TSPAN16: variants seen among roughly 807,000 people sequenced by gnomAD.
TSPAN16 encodes the protein tetraspanin 16, also known as tetraspanin-16.
Under a neutral mutation model 25.2 loss-of-function variants are expected in TSPAN16, and 23 were observed. The ratio of observed to expected loss-of-function variants is 0.91; its 90% CI spans 0.66 to 1.29. The LOEUF (loss-of-function observed/expected upper bound fraction) is 1.29, where lower values mean the gene tolerates loss of function less well. TSPAN16 is among the 50% of genes most tolerant of loss of function. TSPAN16 has a pLI of 0.00. For missense variants in TSPAN16, 272 were observed against 299.9 expected, an observed-to-expected ratio of 0.91 and a Z score of 0.69; for synonymous variants, 123 against 124.4, an observed-to-expected ratio of 0.99 and a Z score of 0.08.
At chr19:11,308,246 A>T (rs2080650566) in intron 5 of TSPAN16, among the ~76,000 whole-genome samples, 1 of 152,182 alleles carries the variant, frequency 6.6e-6, no homozygotes, top group Non-Finnish European at 1.5e-5. Flanking sequence ...TCTCTGAGGG[A>T]AGAAATAGAA....
chr19:11,326,353 C>G (rs1302437120), intron 6 of TSPAN16, among the ~76,000 whole-genome samples: 1 of 152,146 alleles, frequency 6.6e-6, no homozygotes, highest in African/African-American at 2.4e-5. Flanking sequence ...TGCACACCAG[C>G]CTGGGTGATG....
At chr19:11,301,469 G>A (rs418547) in intron 4 of TSPAN16, among the ~76,000 whole-genome samples, 161 bp downstream of exon 4, 62,416 of 151,460 alleles carry the variant, frequency 0.41, 14,727 homozygotes, top group African/African-American at 0.66. Context: ...GTGAAACCCC[G>A]TCTCTACTAA....
At chr19:11,299,773 G>A (rs1006204981) in intron 3 of TSPAN16, among the ~76,000 whole-genome samples, 1 of 151,918 alleles carries the variant, frequency 6.6e-6, no homozygotes, top group Non-Finnish European at 1.5e-5. Flanking sequence ...TCAGGAGTTC[G>A]AGACCAGCCT....
chr19:11,298,111 CT>C, intron 1 of TSPAN16, 30 bp from the exon 2 acceptor site: 1 of 1,611,062 alleles, frequency 6.2e-7, no homozygotes, highest in Non-Finnish European at 8.5e-7. Context: ...TAACAGATTA[CT>C]TTTCTTCCTT....
intron 3 of TSPAN16, 171 bp from the exon 4 acceptor site, chr19:11,301,030 C>G: frequency 1.7e-6 from 1 of 584,028 alleles, no homozygotes; most frequent in Non-Finnish European, 3.1e-6. Flanking sequence ...GGTGGGGGCA[C>G]AGTAGCCTTC....
chr19:11,326,270 ACTCG>A (rs2080812402), intron 6 of TSPAN16, among the ~76,000 whole-genome samples: 2 of 151,650 alleles, frequency 1.3e-5, no homozygotes, highest in African/African-American at 4.8e-5. Flanking sequence ...AGTCTCAGCT[ACTCG>A]GAAGGTTAAG....
intron 5 of TSPAN16, among the ~76,000 whole-genome samples, chr19:11,308,939 G>A (rs373403573): frequency 2.1e-4 from 32 of 152,142 alleles, no homozygotes; most frequent in African/African-American, 7.2e-4. Flanking sequence ...GCTGAGTGTG[G>A]TGACACATGC....
downstream of TSPAN16, among the ~76,000 whole-genome samples, chr19:11,320,122 CT>C (rs373015307): frequency 2.0e-3 from 216 of 106,756 alleles, 5 homozygotes; most frequent in East Asian, 0.016. Flanking sequence ...CCGGCCAGGA[CT>C]TTTTTTTTTT....
chr19:11,304,241 A>G (rs1039815206), intron 4 of TSPAN16, among the ~76,000 whole-genome samples: 2 of 151,522 alleles, frequency 1.3e-5, no homozygotes, highest in Admixed American at 6.6e-5. Flanking sequence ...AAAGTGGGGA[A>G]AGCCATTGCC....
chr19:11,325,368 GA>G, intron 6 of TSPAN16: 1 of 1,431,560 alleles, frequency 7.0e-7, no homozygotes, highest in Non-Finnish European at 9.5e-7. Flanking sequence ...CGAGGCAGGA[GA>G]GGGGTGGGTG....
At chr19:11,297,962 T>G (rs1486318710) in intron 1 of TSPAN16, among the ~76,000 whole-genome samples, 180 bp from the exon 2 acceptor site, 1 of 151,460 alleles carries the variant, frequency 6.6e-6, no homozygotes, top group Non-Finnish European at 1.5e-5. Flanking sequence ...CTATTTTTTT[T>G]TTGTTGGGGA....
chr19:11,309,485 C>T (rs994582988), intron 5 of TSPAN16, among the ~76,000 whole-genome samples: 1 of 152,242 alleles, frequency 6.6e-6, no homozygotes, highest in African/African-American at 2.4e-5. Context: ...TGCCTCACCG[C>T]CTTTGCACAG....
At chr19:11,298,973 T>C (rs749321667) in intron 3 of TSPAN16, 27 bp downstream of exon 3, 2 of 1,608,422 alleles carry the variant, frequency 1.2e-6, no homozygotes, top group Non-Finnish European at 8.5e-7. Flanking sequence ...TCCTCCCACA[T>C]AGCATTAGAA....
chr19:11,296,767 G>A (rs146439735), intron 1 of TSPAN16, among the ~76,000 whole-genome samples: 2,900 of 152,308 alleles, frequency 0.019, 84 homozygotes, highest in African/African-American at 0.067. Context: ...GGCCGGGGGC[G>A]CTGGCTCATG....
rs71164183 is a variant in TSPAN16, at chr19:11,310,515, CAAAAA to C, written c.604-1610_604-1606del. On this transcript the variant is annotated intron_variant, in intron 5 of 6. Transcript: ENST00000590327. ...GGGCAATAAGAGCCAAATTCCGTCTCAAAAAAAAAAAAAAAAAAGTGCAGGAAGGA... is the reference window on the plus strand; with the variant it reads ...GGGCAATAAGAGCCAAATTCCGTCTCAAAAAAAAAAAAAGTGCAGGAAGGA... 1.6e-4 allele frequency among the ~76,000 whole-genome samples: 19 copies of C among 117,048 alleles called. No homozygotes were observed. In the South Asian group the frequency reaches 2.5e-3, roughly 15 times the overall value. 76.8% of individuals were successfully genotyped at this position (117,048 alleles called of 152,430 possible). A position where few individuals can be genotyped will look rare whatever the true frequency, so the allele number is the denominator to read the frequency against.
chr19:11,300,457 C>T (rs1029417859), intron 3 of TSPAN16, among the ~76,000 whole-genome samples: 4 of 152,172 alleles, frequency 2.6e-5, no homozygotes, highest in Non-Finnish European at 5.9e-5. Context: ...CACTTGCTGG[C>T]ACTAGGGAGT....
intron 5 of TSPAN16, among the ~76,000 whole-genome samples, chr19:11,308,607 ACTACAGGCT>A (rs774301021): frequency 2.5e-4 from 38 of 151,952 alleles, no homozygotes; most frequent in Non-Finnish European, 4.6e-4. Context: ...AGTAGCTGGG[ACTACAGGCT>A]CCTGCCAGCA....
intron 1 of TSPAN16, among the ~76,000 whole-genome samples, chr19:11,297,421 G>A (rs1307276996): frequency 6.6e-6 from 1 of 152,134 alleles, no homozygotes; most frequent in Non-Finnish European, 1.5e-5. Context: ...CTTAAGTCCT[G>A]CAGAGGCCAC....
chr19:11,321,041 T>A (rs189691436), intron 6 of TSPAN16, among the ~76,000 whole-genome samples: 1 of 151,806 alleles, frequency 6.6e-6, no homozygotes, highest in Non-Finnish European at 1.5e-5. Flanking sequence ...TAGTGGAGTG[T>A]GCCTGTAATC....
Sources: gnomAD v4.1 joint callset for allele counts (sites outside exome capture counted in the v4.1 genomes callset) on GRCh38, gnomAD v4.1.1 for gene constraint, MANE v1.5 for transcripts, NCBI Gene and HGNC (gene_info 2026-07-23, HGNC 2026-07-21) for gene names.